Variants in KAZN observed in about 807,000 individuals in gnomAD.
KAZN encodes kazrin.
Under a neutral mutation model 87.4 loss-of-function variants are expected in KAZN, and 40 were observed. The ratio of observed to expected loss-of-function variants is 0.46; its 90% CI spans 0.36 to 0.60. The LOEUF is 0.60. Ranked by LOEUF, KAZN falls within the 20% of genes least tolerant of loss-of-function variation. KAZN has a pLI of 0.00. For missense variants in KAZN, 898 were observed against 1,073.9 expected (o/e 0.84, Z 2.29); for synonymous variants, 466 against 458.3 (o/e 1.02, Z -0.22).
Position 14,598,824 on chromosome 1 carries a change from G to C in KAZN, c.-174G>C. The C allele has an allele frequency of 7.3e-7, 1 of 1,376,812 alleles. No homozygotes were observed. Among genetic ancestry groups the C allele is most frequent in the Non-Finnish European group, 9.3e-7 (1 of 1,070,314 alleles). 85.3% of individuals were successfully genotyped at this position (1,376,812 alleles called of 1,614,324 possible). ...CGCCGCGGCTAGGGCTGGAGGCGCC[G>C]CTGTCATTCCTGTGCCGGAGGAACC... On this transcript the variant is annotated 5_prime_UTR_variant, in exon 1 of 15. Transcript: ENST00000376030. This position sits in a 1 kb window ranked among gnomAD's most constrained non-coding sequence, Gnocchi z 4.2.
At chr1:14,133,196 A>G (rs1965004) in intron 1 of KAZN, among the ~76,000 whole-genome samples, 69,919 of 150,954 alleles carry the variant, frequency 0.46, 17,777 homozygotes, top group East Asian at 0.7. Context: ...GTGAAACCCC[A>G]TCTCTACTAC....
chr1:15,105,701 C>T (rs1008603047), intron 13 of KAZN, among the ~76,000 whole-genome samples: 9 of 152,072 alleles, frequency 5.9e-5, no homozygotes, highest in Non-Finnish European at 1.2e-4. Context: ...TGGGCCACTC[C>T]CCATGTTATA....
intron 2 of KAZN, among the ~76,000 whole-genome samples, chr1:14,335,112 C>A (rs533308913): frequency 2.8e-4 from 42 of 151,358 alleles, no homozygotes; most frequent in Admixed American, 5.9e-4. Context: ...CGGTGCCCCC[C>A]CCCCACCACC....
At chr1:14,837,570 T>C (rs1647409575) in intron 1 of KAZN, among the ~76,000 whole-genome samples, 2 of 142,604 alleles carry the variant, frequency 1.4e-5, no homozygotes, top group Non-Finnish European at 3.0e-5. Flanking sequence ...TTTTTTTTTT[T>C]GAGACAGGGT....
chr1:15,022,634 T>C (rs1466537547), intron 2 of KAZN, among the ~76,000 whole-genome samples: 1 of 152,160 alleles, frequency 6.6e-6, no homozygotes, highest in Non-Finnish European at 1.5e-5. Context: ...GGACTTGTGA[T>C]CAGTTGCCAA....
chr1:14,785,228 T>C (rs1645473952), intron 1 of KAZN, among the ~76,000 whole-genome samples: 1 of 152,112 alleles, frequency 6.6e-6, no homozygotes, highest in Non-Finnish European at 1.5e-5. Context: ...TTGGGAAAAC[T>C]GGGAAGCAAG....
chr1:14,030,635 TACACACACACAC>T (rs60838104), intron 1 of KAZN, among the ~76,000 whole-genome samples: 25 of 145,114 alleles, frequency 1.7e-4, no homozygotes, highest in East Asian at 4.1e-4. Context: ...TGTACACAGA[TACACACACACAC>T]ACACACACAC....
chr1:14,101,867 G>A (rs559803267), intron 1 of KAZN, among the ~76,000 whole-genome samples: 133 of 152,162 alleles, frequency 8.7e-4, no homozygotes, highest in African/African-American at 3.2e-3. Context: ...TCCAAATAGT[G>A]CAAACCTAAA....
intron 2 of KAZN, among the ~76,000 whole-genome samples, chr1:14,217,160 C>T (rs1646974705): frequency 6.6e-6 from 1 of 152,152 alleles, no homozygotes. Context: ...AGCAAGAAGA[C>T]TCTTGCCAGA....
chr1:14,255,138 A>AAGAAG (rs1553150802), intron 2 of KAZN, among the ~76,000 whole-genome samples: 1 of 125,304 alleles, frequency 8.0e-6, no homozygotes, highest in African/African-American at 3.8e-5. Context: ...AAAAAAAAAA[A>AAGAAG]AAGAAGAAGA....
intron 2 of KAZN, among the ~76,000 whole-genome samples, chr1:14,442,898 G>A (rs1283823084): frequency 2.6e-5 from 4 of 152,166 alleles, no homozygotes; most frequent in African/African-American, 7.2e-5. Flanking sequence ...CCTGCTCCCC[G>A]ACACGTGGGT....
Position 14,223,584 on chromosome 1 carries a change from T to C in KAZN, c.249+42992T>C, listed in dbSNP as rs150449966. Among the ~76,000 whole-genome samples, 333 of 152,346 alleles carry C rather than the reference T, an allele frequency of 2.2e-3. 9 individuals are homozygous for C. In the East Asian group the frequency reaches 0.042, roughly 19 times the overall value. On this transcript the variant is annotated intron_variant, in intron 2 of 16. Coordinates refer to the KAZN transcript ENST00000636203. ...TCTCTTTGTGTCTTCTTCTTCCTTA[T>C]GTTCTTTAGTCAGTCTTTTTAAAGC...
intron 2 of KAZN, among the ~76,000 whole-genome samples, chr1:14,410,135 G>C (rs1557698983): frequency 6.6e-6 from 1 of 152,170 alleles, no homozygotes; most frequent in Non-Finnish European, 1.5e-5. Context: ...AGAGGGTCTT[G>C]CTCTGTCACC....
intron 8 of KAZN, among the ~76,000 whole-genome samples, chr1:15,068,414 G>C (rs1036519022): frequency 1.3e-5 from 2 of 152,070 alleles, no homozygotes; most frequent in Non-Finnish European, 1.5e-5. Flanking sequence ...CACCACCCCC[G>C]ACCTGGCACC....
intron 1 of KAZN, among the ~76,000 whole-genome samples, chr1:14,636,777 A>C (rs1004954212): frequency 1.3e-5 from 2 of 152,212 alleles, no homozygotes; most frequent in Non-Finnish European, 2.9e-5. Flanking sequence ...GGGAATCTAA[A>C]CAGCATGGTA....
intron 1 of KAZN, among the ~76,000 whole-genome samples, chr1:14,807,765 C>A (rs556663689): frequency 1.3e-5 from 2 of 151,980 alleles, no homozygotes; most frequent in Admixed American, 6.6e-5. Context: ...TAAGACCCTG[C>A]CTCAATTAAA....
intron 1 of KAZN, among the ~76,000 whole-genome samples, chr1:14,885,780 C>T (rs2101126821): frequency 6.6e-6 from 1 of 152,282 alleles, no homozygotes; most frequent in South Asian, 2.1e-4. Context: ...GCATCTTGTC[C>T]TAGTAGGTGC....
intron 2 of KAZN, among the ~76,000 whole-genome samples, chr1:14,277,166 A>G (rs1652426224): frequency 6.6e-6 from 1 of 152,218 alleles, no homozygotes; most frequent in Non-Finnish European, 1.5e-5. Flanking sequence ...TGCCCATTAT[A>G]TACTCAAAAA....
intron 8 of KAZN, among the ~76,000 whole-genome samples, chr1:15,079,926 T>C (rs1639919949): frequency 6.6e-6 from 1 of 152,218 alleles, no homozygotes; most frequent in Non-Finnish European, 1.5e-5. Flanking sequence ...AAGCATAAAG[T>C]CATTGTCATT....
Sources: gnomAD v4.1 joint callset for allele counts (sites outside exome capture counted in the v4.1 genomes callset) on GRCh38, gnomAD v4.1.1 for gene constraint, Gnocchi (gnomAD v3.1) non-coding constraint, MANE v1.5 for transcripts, NCBI Gene and HGNC (gene_info 2026-07-23, HGNC 2026-07-21) for gene names.